Variants in MKRN1 observed in about 807,000 individuals in gnomAD.
MKRN1 encodes the protein makorin ring finger protein 1.
Under a neutral mutation model 55.5 loss-of-function variants are expected in MKRN1, and 9 were observed. The observed-to-expected ratio is 0.16, with a 90% CI of 0.10 to 0.28. MKRN1 has a LOEUF of 0.28. Ranked by LOEUF, MKRN1 falls within the 10% of genes least tolerant of loss-of-function variation. The pLI is 1.00. For missense variants in MKRN1, 488 were observed against 626.7 expected, an observed-to-expected ratio of 0.78 and a Z score of 2.36; for synonymous variants, 253 against 235.9, an observed-to-expected ratio of 1.07 and a Z score of -0.66.
chr7:140,468,474 G>A lies in MKRN1; in HGVS notation c.314+3409C>T, dbSNP rs565981734. On this transcript the variant is annotated intron_variant, in intron 2 of 7. Coordinates refer to ENST00000255977, the MANE Select transcript of MKRN1 (RefSeq NM_013446.4). The stretch of plus-strand genomic sequence containing the variant: ...CCAGCACTTTGGGAGGCCGAGGCAG[G>A]TGGATCACCTGAGGTCAGGAGTTTG... Among the ~76,000 whole-genome samples, 51 of 150,762 alleles carry A rather than the reference G, an allele frequency of 3.4e-4. 1 individual carries two copies. Among genetic ancestry groups the A allele is most frequent in the East Asian group, 1.8e-3 (9 of 5,044 alleles).
chr7:140,475,452 G>A (rs1326724721), intron 1 of MKRN1: 2 of 257,734 alleles, frequency 7.8e-6, no homozygotes, highest in Non-Finnish European at 7.9e-6. Context: ...TTGAGCTTAG[G>A]AGTTCAAGAC....
intron 2 of MKRN1, 144 bp downstream of exon 2, chr7:140,471,739 G>A: frequency 8.6e-7 from 1 of 1,166,326 alleles, no homozygotes; most frequent in East Asian, 2.5e-5. Flanking sequence ...CAAAGTGCTG[G>A]GATTATAGGC....
chr7:140,476,833 A>T (rs1795132166), intron 1 of MKRN1, among the ~76,000 whole-genome samples: 1 of 152,016 alleles, frequency 6.6e-6, no homozygotes, highest in Non-Finnish European at 1.5e-5. Flanking sequence ...TAATCCCAGC[A>T]CTTTGGGAGG....
intron 1 of MKRN1, among the ~76,000 whole-genome samples, chr7:140,472,775 A>G (rs1794972205): frequency 6.6e-6 from 1 of 151,878 alleles, no homozygotes; most frequent in African/African-American, 2.4e-5. Flanking sequence ...AAAAAATGTA[A>G]TAATAATACG....
chr7:140,473,861 A>G (rs951343723), intron 1 of MKRN1: 2 of 151,912 alleles, frequency 1.3e-5, no homozygotes, highest in African/African-American at 4.8e-5. Flanking sequence ...GTGTGATGGT[A>G]CAAGCCTGTA....
chr7:140,470,922 A>G (rs1364118378), intron 2 of MKRN1, among the ~76,000 whole-genome samples: 1 of 152,032 alleles, frequency 6.6e-6, no homozygotes, highest in Non-Finnish European at 1.5e-5. Flanking sequence ...TCGGTCTCAC[A>G]CACACAAAAA....
rs1157570495 is a variant in MKRN1, at chr7:140,453,384, C to G, written c.*1133G>C. ...CTCCACTACAATAAACACCTTAGAA[C>G]AGAGTTTTGAATCACGTCTGTCTAC... On this transcript the variant is annotated 3_prime_UTR_variant, in exon 8 of 8. Coordinates refer to ENST00000255977, the MANE Select transcript of MKRN1 (RefSeq NM_013446.4). 1 of 152,600 alleles carries G rather than the reference C, an allele frequency of 6.6e-6. No homozygotes were observed. Among genetic ancestry groups the G allele is most frequent in the Non-Finnish European group, 1.5e-5 (1 of 68,036 alleles). 9.5% of individuals were successfully genotyped at this position (152,600 alleles called of 1,614,324 possible). A position where few individuals can be genotyped will look rare whatever the true frequency, so the allele number is the denominator to read the frequency against.
chr7:140,459,979 G>T, intron 2 of MKRN1, 43 bp from the exon 3 acceptor site: 1 of 1,530,788 alleles, frequency 6.5e-7, no homozygotes, highest in Non-Finnish European at 9.0e-7. Flanking sequence ...AGTCGTGGTG[G>T]CTCAAGCCTG....
At chr7:140,458,848 T>C (rs1175595966) in intron 4 of MKRN1, among the ~76,000 whole-genome samples, 159 bp downstream of exon 4, 2 of 152,194 alleles carry the variant, frequency 1.3e-5, no homozygotes, top group Admixed American at 1.3e-4. Flanking sequence ...ATATGACTTC[T>C]TGATAAAGCA....
Position 140,453,793 on chromosome 7 carries a change from C to G in MKRN1, c.*724G>C, listed in dbSNP as rs1052914890. On this transcript the variant is annotated 3_prime_UTR_variant, in exon 8 of 8. Coordinates refer to ENST00000255977, the MANE Select transcript of MKRN1 (RefSeq NM_013446.4). Reference sequence around the variant, plus strand: ...CAGGGATGAGAAGCTTATCACACACCCACACACTCACACCATGTCAGCCCT... The same window carrying G: ...CAGGGATGAGAAGCTTATCACACACGCACACACTCACACCATGTCAGCCCT... 2 of 154,466 alleles carry G rather than the reference C, an allele frequency of 1.3e-5. No homozygotes were observed. The highest frequency in any genetic ancestry group is 4.8e-5 in the African/African-American group (2 of 41,448). 9.6% of individuals were successfully genotyped at this position (154,466 alleles called of 1,614,324 possible). A position where few individuals can be genotyped will look rare whatever the true frequency, so the allele number is the denominator to read the frequency against.
chr7:140,474,006 AAAGAAAGAAAGAAAG>A (rs1795027103), intron 1 of MKRN1, among the ~76,000 whole-genome samples: 5 of 9,586 alleles, frequency 5.2e-4, no homozygotes, highest in South Asian at 2.6e-3. Context: ...AAAAAAAAAA[AAAGAAAGAAAGAAAG>A]AAAGAAAGAA....
intron 1 of MKRN1, among the ~76,000 whole-genome samples, chr7:140,475,014 C>T (rs984524759): frequency 1.3e-5 from 2 of 151,972 alleles, no homozygotes; most frequent in African/African-American, 4.8e-5. Context: ...ACACCACGCC[C>T]AGCTGATCTT....
chr7:140,467,214 T>C (rs943078398), intron 2 of MKRN1, among the ~76,000 whole-genome samples: 5 of 152,154 alleles, frequency 3.3e-5, no homozygotes, highest in Admixed American at 1.3e-4. Flanking sequence ...CCTCAGGTGA[T>C]CCTCCTGTCT....
At chr7:140,455,765 T>C in intron 6 of MKRN1, 25 bp downstream of exon 6, 4 of 1,567,998 alleles carry the variant, frequency 2.6e-6, no homozygotes, top group Non-Finnish European at 3.5e-6. Context: ...GCTCTTCGCT[T>C]GAGAAAAGGC....
At position 140,472,027 on chromosome 7, in the gene MKRN1, C is replaced by T. The variant is rs1794943446; in HGVS notation, c.186-16G>A. The T allele has an allele frequency of 1.2e-6, 2 of 1,613,374 alleles. No individual in the cohort carries two copies. The highest frequency in any genetic ancestry group is 1.3e-5 in the African/African-American group (1 of 74,874). On this transcript the variant is annotated splice_polypyrimidine_tract_variant and intron_variant, in intron 1 of 7. Coordinates refer to ENST00000255977, the MANE Select transcript of MKRN1 (RefSeq NM_013446.4). ...CATAAAATACCTGTGAGACGAAAGA[C>T]CACAAAACTGGATTAAAACCAATCC...
At chr7:140,469,118 A>T (rs975639327) in intron 2 of MKRN1, among the ~76,000 whole-genome samples, 2 of 151,886 alleles carry the variant, frequency 1.3e-5, no homozygotes, top group African/African-American at 4.8e-5. Context: ...CGAGGTCAGG[A>T]GATCAAGACC....
rs1389745750 is a variant in MKRN1 at position 140,460,166 on chromosome 7, G to A, written c.315-230C>T. The A allele has an allele frequency of 8.6e-6, 4 of 467,490 alleles. No individual in the cohort carries two copies. In the East Asian group the frequency reaches 1.7e-4, roughly 20 times the overall value. 29.0% of individuals were successfully genotyped at this position (467,490 alleles called of 1,614,324 possible). On this transcript the variant is annotated intron_variant, in intron 2 of 7. Transcript: ENST00000255977. ...GGAGGCTGAGGTAGGAGAATCACTT[G>A]AACCCAGGAGACAGAGGTTGTGGTG...
At chr7:140,475,199 C>T (rs372671101) in intron 1 of MKRN1, 28 of 439,654 alleles carry the variant, frequency 6.4e-5, no homozygotes, top group Middle Eastern at 3.5e-4. Context: ...AATAATTAGC[C>T]GAGTGTGATG....
At chr7:140,455,350 T>C in intron 6 of MKRN1, 117 bp from the exon 7 acceptor site, 1 of 1,264,356 alleles carries the variant, frequency 7.9e-7, no homozygotes, top group African/African-American at 1.5e-5. Context: ...CTTACAGCCC[T>C]CCCCAAGATG....
Sources: gnomAD v4.1 joint callset for allele counts (sites outside exome capture counted in the v4.1 genomes callset) on GRCh38, gnomAD v4.1.1 for gene constraint, MANE v1.5 for transcripts, NCBI Gene and HGNC (gene_info 2026-07-23, HGNC 2026-07-21) for gene names.